The following IFNGR2 variants were observed in gnomAD, a reference collection of about 807,000 sequenced individuals.
IFNGR2 encodes interferon gamma receptor 2, also known as IFN-gamma receptor 2.
A neutral mutation model predicts 41.1 loss-of-function variants in IFNGR2; 15 were observed. The ratio of observed to expected loss-of-function variants is 0.37; its 90% confidence interval spans 0.24 to 0.56. The LOEUF (loss-of-function observed/expected upper bound fraction) is 0.56, where lower values mean the gene tolerates loss of function less well. Ranked by LOEUF, IFNGR2 falls within the 20% of genes least tolerant of loss-of-function variation. The probability of loss-of-function intolerance (pLI) is 0.81; values close to 1 mark genes in which losing one functional copy is unlikely to be tolerated. For synonymous variants in IFNGR2, 161 were observed against 171.6 expected (o/e 0.94, Z 0.48); for missense variants, 362 against 415.7 (o/e 0.87, Z 1.12).
At chr21:33,413,240 G>C (rs2083729335) in intron 1 of IFNGR2, among the ~76,000 whole-genome samples, 1 of 152,174 alleles carries the variant, frequency 6.6e-6, no homozygotes, top group Non-Finnish European at 1.5e-5. Flanking sequence ...CAGCACACCT[G>C]GTGGGCCTGC....
At chr21:33,415,541 C>T (rs1433811724) in intron 2 of IFNGR2, among the ~76,000 whole-genome samples, 2 of 152,174 alleles carry the variant, frequency 1.3e-5, no homozygotes, top group East Asian at 1.9e-4. Context: ...ACTTGATTTG[C>T]AATATAAATA....
intron 1 of IFNGR2, among the ~76,000 whole-genome samples, chr21:33,407,535 G>GA (rs2083685060): frequency 6.6e-6 from 1 of 152,148 alleles, no homozygotes; most frequent in African/African-American, 2.4e-5. Context: ...TTACTTCCTG[G>GA]AAAGTCAAAC....
intron 3 of IFNGR2, among the ~76,000 whole-genome samples, chr21:33,423,460 T>TC (rs2083811742): frequency 6.6e-6 from 1 of 152,022 alleles, no homozygotes; most frequent in African/African-American, 2.4e-5. Context: ...TGGTGCAGTC[T>TC]CGGCTCACTG....
chr21:33,436,132 C>A (rs1265027253), intron 6 of IFNGR2, among the ~76,000 whole-genome samples: 1 of 148,406 alleles, frequency 6.7e-6, no homozygotes, highest in Non-Finnish European at 1.5e-5. Context: ...CCGAGGCGGG[C>A]GGATCACCTG....
chr21:33,404,555 A>G (rs982362160), intron 1 of IFNGR2, among the ~76,000 whole-genome samples: 2 of 152,126 alleles, frequency 1.3e-5, no homozygotes, highest in African/African-American at 4.8e-5. Flanking sequence ...CTCCCACGTC[A>G]GCCTCCCAAG....
At chr21:33,428,316 G>A (rs182842491) in intron 4 of IFNGR2, among the ~76,000 whole-genome samples, 76 of 151,420 alleles carry the variant, frequency 5.0e-4, no homozygotes, top group Admixed American at 1.5e-3. Context: ...CTACCTCCCC[G>A]GCTCAAGCAG....
At chr21:33,408,467 A>T (rs2083693597) in intron 1 of IFNGR2, among the ~76,000 whole-genome samples, 2 of 152,164 alleles carry the variant, frequency 1.3e-5, no homozygotes. Flanking sequence ...AAGTGCTGGG[A>T]TTACAGGCAT....
intron 1 of IFNGR2, chr21:33,411,378 G>A (rs777915717): frequency 2.2e-6 from 1 of 464,792 alleles, no homozygotes; most frequent in South Asian, 1.6e-5. Flanking sequence ...TGCTTAGACT[G>A]GGGAACTAGA....
rs2083711441 is a variant in IFNGR2 at position 33,410,972 on chromosome 21, C to A, written c.74-3916C>A. 3.9e-6 allele frequency: 4 copies of A among 1,031,478 alleles called. No homozygotes were observed. In the South Asian group the frequency reaches 5.4e-5, roughly 14 times the overall value. 63.9% of individuals were successfully genotyped at this position (1,031,478 alleles called of 1,614,324 possible). On this transcript the variant is annotated intron_variant, in intron 1 of 6. Coordinates refer to ENST00000290219, the MANE Select transcript of IFNGR2 (RefSeq NM_005534.4). ...TGCTCCTTCTCCCCAGCCTTCCAGC[C>A]CTGGTGTTTCCCATCGGGGGCCATG...
intron 2 of IFNGR2, among the ~76,000 whole-genome samples, chr21:33,418,874 C>T (rs2083771691): frequency 1.3e-5 from 2 of 152,134 alleles, no homozygotes; most frequent in South Asian, 4.1e-4. Context: ...AGTCGGGCAG[C>T]AAGGCCCCTT....
At chr21:33,425,395 A>G (rs2083827500) in intron 3 of IFNGR2, among the ~76,000 whole-genome samples, 1 of 152,142 alleles carries the variant, frequency 6.6e-6, no homozygotes, top group African/African-American at 2.4e-5. Context: ...TTCATGTCAG[A>G]TTCCGGGCCA....
chr21:33,410,236 G>C (rs1457479037), intron 1 of IFNGR2, among the ~76,000 whole-genome samples: 1 of 144,374 alleles, frequency 6.9e-6, no homozygotes, highest in Non-Finnish European at 1.5e-5. Flanking sequence ...GTGCAATCTC[G>C]GCTCACTGCA....
chr21:33,423,102 C>T, intron 3 of IFNGR2, among the ~76,000 whole-genome samples: 1 of 141,846 alleles, frequency 7.0e-6, no homozygotes, highest in African/African-American at 2.7e-5. Context: ...TGCAGTGGCG[C>T]AATCTTGGCT....
intron 1 of IFNGR2, among the ~76,000 whole-genome samples, chr21:33,409,739 C>T (rs555999994): frequency 6.6e-6 from 1 of 152,304 alleles, no homozygotes; most frequent in African/African-American, 2.4e-5. Context: ...GCTTGAGACT[C>T]TGCCTAGGGA....
intron 6 of IFNGR2, among the ~76,000 whole-genome samples, chr21:33,436,021 A>C (rs1216766708): frequency 6.6e-6 from 1 of 152,078 alleles, no homozygotes; most frequent in Non-Finnish European, 1.5e-5. Context: ...AGATCGCGCC[A>C]CTGCACTCCA....
At position 33,422,642 on chromosome 21, in the gene IFNGR2, C is replaced by T. The variant is rs140375916; in HGVS notation, c.412+957C>T. ...CTATAATCCCAGCACTTTGGGAGGC[C>T]GAGGCAGGCAGATCACTTGAGGTCA... On this transcript the variant is annotated intron_variant, in intron 3 of 6. Coordinates refer to ENST00000290219, the MANE Select transcript of IFNGR2 (RefSeq NM_005534.4). 4.5e-3 allele frequency among the ~76,000 whole-genome samples: 689 copies of T among 151,966 alleles called. 5 individuals are homozygous for T. Among genetic ancestry groups the T allele is most frequent in the African/African-American group, 0.016 (643 of 41,466 alleles).
chr21:33,411,392 G>T (rs1055817347), intron 1 of IFNGR2: 1 of 468,952 alleles, frequency 2.1e-6, no homozygotes, highest in African/African-American at 2.0e-5. Context: ...AACTAGAGGT[G>T]CCCGGAAAGG....
intron 3 of IFNGR2, among the ~76,000 whole-genome samples, chr21:33,426,392 G>A (rs2083836027): frequency 6.6e-6 from 1 of 151,726 alleles, no homozygotes; most frequent in Non-Finnish European, 1.5e-5. Flanking sequence ...CAGCCTGGGT[G>A]ATATGTGCGA....
intron 3 of IFNGR2, among the ~76,000 whole-genome samples, chr21:33,426,395 A>G (rs2123357303): frequency 1.3e-5 from 2 of 151,690 alleles, no homozygotes; most frequent in Middle Eastern, 3.4e-3. Context: ...CCTGGGTGAT[A>G]TGTGCGAGAT....
Sources: gnomAD v4.1 joint callset for allele counts (sites outside exome capture counted in the v4.1 genomes callset) on GRCh38, gnomAD v4.1.1 for gene constraint, MANE v1.5 for transcripts, NCBI Gene and HGNC (gene_info 2026-07-23, HGNC 2026-07-21) for gene names.